Variants in CENPP observed in about 807,000 individuals in gnomAD.
The protein encoded by CENPP is centromere protein P.
Under a neutral mutation model 35.6 loss-of-function variants are expected in CENPP, and 24 were observed. The observed-to-expected ratio is 0.67, with a 90% confidence interval of 0.49 to 0.95. The LOEUF is 0.95. Among genes scored for constraint, CENPP ranks in the 40% least tolerant of loss-of-function variants. The pLI is 0.00. For missense variants in CENPP, 332 were observed against 345.3 expected, an observed-to-expected ratio of 0.96 and a Z score of 0.31; for synonymous variants, 120 against 125.5, an observed-to-expected ratio of 0.96 and a Z score of 0.29.
intron 5 of CENPP, chr9:92,401,170 T>G: frequency 1.3e-6 from 2 of 1,491,416 alleles, no homozygotes; most frequent in Non-Finnish European, 1.9e-6. Flanking sequence ...TTGGGTATTA[T>G]CACAGTTTCT....
intron 5 of CENPP, chr9:92,514,973 G>A (rs761870991): frequency 1.9e-6 from 3 of 1,613,976 alleles, no homozygotes; most frequent in South Asian, 2.2e-5. Context: ...CTGTAAAGTT[G>A]CCCCTGATTT....
chr9:92,450,094 T>C (rs1402212150), intron 5 of CENPP, among the ~76,000 whole-genome samples: 2 of 151,242 alleles, frequency 1.3e-5, no homozygotes, highest in Non-Finnish European at 3.0e-5. Flanking sequence ...TTTCTTTTTA[T>C]TATTATTATT....
At chr9:92,475,006 A>G (rs1292580834) in intron 5 of CENPP, 44 of 1,330,708 alleles carry the variant, frequency 3.3e-5, no homozygotes, top group Non-Finnish European at 3.9e-5. Context: ...CAAGAGTGCA[A>G]TGAAATGGCA....
chr9:92,539,124 G>A (rs987593765), intron 5 of CENPP: 1 of 152,308 alleles, frequency 6.6e-6, no homozygotes. Context: ...CTGAATATTA[G>A]GTACAATGTT....
rs920600479 is a variant in CENPP at position 92,591,453 on chromosome 9, A to G, written c.565-19861A>G. On this transcript the variant is annotated intron_variant, in intron 5 of 7. Coordinates refer to ENST00000375587, the MANE Select transcript of CENPP (RefSeq NM_001012267.3). ...AAATAAATAAATAAGACCTGCAGGG[A>G]AAAAAAAATCCAAACCATACTTGTT... is the stretch of plus-strand genomic sequence containing the variant. Among the ~76,000 whole-genome samples the G allele has an allele frequency of 5.0e-5, 6 of 120,716 alleles. No individual in the cohort carries two copies. The East Asian group carries it at 1.4e-3, about 28-fold the overall frequency. The allele number at this position is 120,716 out of a possible 152,430, so 79.2% of individuals were successfully genotyped here. A position where few individuals can be genotyped will look rare whatever the true frequency, so the allele number is the denominator to read the frequency against.
chr9:92,381,174 T>G (rs965650980), intron 5 of CENPP, among the ~76,000 whole-genome samples: 1 of 152,268 alleles, frequency 6.6e-6, no homozygotes, highest in Non-Finnish European at 1.5e-5. Flanking sequence ...TTGTGTTTTC[T>G]GTTTCTATGA....
intron 5 of CENPP, among the ~76,000 whole-genome samples, chr9:92,410,006 G>A (rs777236763): frequency 3.3e-5 from 5 of 152,020 alleles, no homozygotes; most frequent in South Asian, 2.1e-4. Flanking sequence ...GTTCAATCTC[G>A]GCTCACTGCA....
chr9:92,382,856 A>G (rs529369967), intron 5 of CENPP, among the ~76,000 whole-genome samples: 88 of 134,498 alleles, frequency 6.5e-4, no homozygotes, highest in African/African-American at 2.4e-3. Flanking sequence ...CTGTTGGTCT[A>G]TATGTCTGTA....
At chr9:92,342,106 A>T (rs2130797020) in intron 3 of CENPP, among the ~76,000 whole-genome samples, 1 of 152,376 alleles carries the variant, frequency 6.6e-6, no homozygotes, top group South Asian at 2.1e-4. Flanking sequence ...CAATGATCAC[A>T]TTAGCATTTC....
rs116438084 is a variant in CENPP, at chr9:92,532,532, G to A, written c.565-78782G>A. 7.1e-3 allele frequency among the ~76,000 whole-genome samples: 1,081 copies of A among 151,486 alleles called. 11 individuals are homozygous for A. The highest frequency in any genetic ancestry group is 0.022 in the African/African-American group (909 of 41,306). ...TTCCCCTCATTTGTATTTTTTGTTT[G>A]TCTATCTCTTCAGTGATTCATCCTG... is the stretch of plus-strand genomic sequence containing the variant. On this transcript the variant is annotated intron_variant, in intron 5 of 7. Transcript: ENST00000375587.
At position 92,619,399 on chromosome 9, in the gene CENPP, G is replaced by A. The variant is rs1479842711; in HGVS notation, c.*6250G>A. ...TCCGCCATGGAGTCTCTAAATATGGGGAAACCAACTATCCTATTAACAATT... is the reference window on the plus strand; with the variant it reads ...TCCGCCATGGAGTCTCTAAATATGGAGAAACCAACTATCCTATTAACAATT... On this transcript the variant is annotated 3_prime_UTR_variant, in exon 8 of 8. Coordinates refer to ENST00000375587, the MANE Select transcript of CENPP (RefSeq NM_001012267.3). 5 of 1,109,474 alleles carry A rather than the reference G, an allele frequency of 4.5e-6. No individual in the cohort carries two copies. In the Admixed American group the frequency reaches 8.0e-5, roughly 18 times the overall value. The allele number at this position is 1,109,474 out of a possible 1,614,324, so 68.7% of individuals were successfully genotyped here.
intron 5 of CENPP, among the ~76,000 whole-genome samples, chr9:92,486,869 C>T (rs1307784522): frequency 6.6e-6 from 1 of 151,752 alleles, no homozygotes; most frequent in East Asian, 1.9e-4. Flanking sequence ...GCAACCTCCA[C>T]CTCCTGGGTT....
intron 5 of CENPP, among the ~76,000 whole-genome samples, chr9:92,413,374 C>T (rs1843499640): frequency 6.6e-6 from 1 of 152,104 alleles, no homozygotes; most frequent in African/African-American, 2.4e-5. Context: ...TATGAAGGCT[C>T]CAATTTTTCC....
At chr9:92,494,183 A>C (rs752708993) in intron 5 of CENPP, 2 of 1,589,044 alleles carry the variant, frequency 1.3e-6, no homozygotes, top group Non-Finnish European at 1.7e-6. Flanking sequence ...TGAATGAATG[A>C]ATCGTTTAGT....
chr9:92,553,097 AGAT>A (rs1849648670), intron 5 of CENPP, among the ~76,000 whole-genome samples: 1 of 152,090 alleles, frequency 6.6e-6, no homozygotes, highest in African/African-American at 2.4e-5. Context: ...ATAAAATGAG[AGAT>A]GATGATCCAG....
At chr9:92,517,960 A>G in intron 5 of CENPP, 1 of 1,477,202 alleles carries the variant, frequency 6.8e-7, no homozygotes. Context: ...GTGAAGTCAA[A>G]CTGCTCTAAC....
At chr9:92,434,599 C>T (rs1201994961) in intron 5 of CENPP, among the ~76,000 whole-genome samples, 1 of 151,838 alleles carries the variant, frequency 6.6e-6, no homozygotes, top group Non-Finnish European at 1.5e-5. Flanking sequence ...TTTATTTTTG[C>T]CAAAGGTAAG....
chr9:92,441,684 T>C (rs1844393119), intron 5 of CENPP, among the ~76,000 whole-genome samples: 1 of 152,008 alleles, frequency 6.6e-6, no homozygotes, highest in Non-Finnish European at 1.5e-5. Flanking sequence ...ACTTCAACCG[T>C]GGAGGTGGAG....
In CENPP at chr9:92,547,001, G is replaced by T. The variant is rs1849477135; in HGVS notation, c.565-64313G>T. ...GTCAGAAGGAAAATTTTGCAGGTCA[G>T]TCTCACTAATGAACATAGATTTTAA... On this transcript the variant is annotated intron_variant, in intron 5 of 7. Coordinates refer to ENST00000375587, the MANE Select transcript of CENPP (RefSeq NM_001012267.3). Among the ~76,000 whole-genome samples the T allele has an allele frequency of 2.0e-5, 3 of 152,148 alleles. No homozygotes were observed. The South Asian group carries it at 6.2e-4, about 32-fold the overall frequency.
Sources: allele counts gnomAD v4.1 joint callset (sites outside exome capture counted in the v4.1 genomes callset), GRCh38; gene constraint gnomAD v4.1.1; transcripts MANE v1.5; gene names NCBI Gene and HGNC (gene_info 2026-07-23, HGNC 2026-07-21).